Variants in KHDRBS2 observed in about 807,000 individuals in gnomAD.
The protein encoded by KHDRBS2 is KH domain-containing, RNA-binding, signal transduction-associated protein 2.
Under a neutral mutation model 44.3 loss-of-function variants are expected in KHDRBS2, and 26 were observed. The observed-to-expected ratio is 0.59, with a 90% CI of 0.43 to 0.81. The LOEUF (loss-of-function observed/expected upper bound fraction) is 0.81, where lower values mean the gene tolerates loss of function less well. Ranked by LOEUF, KHDRBS2 falls within the 40% of genes least tolerant of loss-of-function variation. The probability of loss-of-function intolerance (pLI) is 0.00; values close to 1 mark genes in which losing one functional copy is unlikely to be tolerated. For missense variants in KHDRBS2, 476 were observed against 433.1 expected (o/e 1.10, Z -0.88); for synonymous variants, 194 against 151.1 (o/e 1.28, Z -2.08).
the KHDRBS2 span, among the ~76,000 whole-genome samples, chr6:61,556,617 A>G: frequency 2.0e-5 from 3 of 152,028 alleles, no homozygotes; most frequent in Non-Finnish European, 4.4e-5. Context: ...AAAGAACCTA[A>G]TTCAGCTTAC....
intron 1 of KHDRBS2, among the ~76,000 whole-genome samples, chr6:62,222,723 C>G (rs1831113789): frequency 1.3e-5 from 2 of 152,090 alleles, no homozygotes; most frequent in African/African-American, 2.4e-5. Context: ...GAGAAATTAG[C>G]CAAAACAAAG....
chr6:61,681,134 G>T, intron 8 of KHDRBS2, 74 bp from the exon 9 acceptor site: 2 of 1,005,376 alleles, frequency 2.0e-6, no homozygotes, highest in South Asian at 2.7e-5. Context: ...AGACACAATA[G>T]TTGACCGAGA....
At chr6:61,573,298 A>C in the KHDRBS2 span, among the ~76,000 whole-genome samples, 1 of 152,206 alleles carries the variant, frequency 6.6e-6, no homozygotes, top group Non-Finnish European at 1.5e-5. Context: ...ACTACAAAAC[A>C]CTGCTGAAAG....
At chr6:62,197,564 TC>T (rs1284947791) in intron 1 of KHDRBS2, among the ~76,000 whole-genome samples, 3 of 152,084 alleles carry the variant, frequency 2.0e-5, no homozygotes, top group African/African-American at 7.2e-5. Flanking sequence ...AAATGAGCTT[TC>T]CTGAACCCAG....
chr6:62,048,662 C>T (rs114821426), intron 2 of KHDRBS2, among the ~76,000 whole-genome samples: 25 of 151,830 alleles, frequency 1.6e-4, no homozygotes, highest in East Asian at 7.8e-4. Context: ...AACACTTTGT[C>T]GAAATAAAAA....
At chr6:61,890,737 A>T (rs1030064580) in intron 6 of KHDRBS2, among the ~76,000 whole-genome samples, 1 of 152,210 alleles carries the variant, frequency 6.6e-6, no homozygotes, top group Non-Finnish European at 1.5e-5. Context: ...TATTTTTCAC[A>T]TACTATGTCT....
intron 1 of KHDRBS2, among the ~76,000 whole-genome samples, chr6:62,190,643 C>G (rs1465109411): frequency 1.3e-5 from 2 of 152,060 alleles, no homozygotes; most frequent in Admixed American, 1.3e-4. Context: ...ATATTTTACT[C>G]TATATTTACA....
intron 1 of KHDRBS2, among the ~76,000 whole-genome samples, chr6:62,278,860 C>T (rs533249459): frequency 4.6e-5 from 7 of 151,936 alleles, no homozygotes; most frequent in African/African-American, 1.7e-4. Context: ...TTTGGGAGGC[C>T]GAGGTGGGCG....
At chr6:61,816,381 G>A (rs771813676) in intron 6 of KHDRBS2, among the ~76,000 whole-genome samples, 46 of 152,106 alleles carry the variant, frequency 3.0e-4, no homozygotes, top group Non-Finnish European at 6.5e-4. Flanking sequence ...GAAGATGCCC[G>A]TGTGAAGACA....
At chr6:61,711,969 T>C (rs1770579629) in intron 7 of KHDRBS2, among the ~76,000 whole-genome samples, 3 of 151,836 alleles carry the variant, frequency 2.0e-5, no homozygotes, top group Admixed American at 6.6e-5. Context: ...TTGGCTGATC[T>C]AGGCTGGGCT....
At chr6:62,130,766 T>C (rs977434498) in intron 2 of KHDRBS2, among the ~76,000 whole-genome samples, 20 of 152,030 alleles carry the variant, frequency 1.3e-4, no homozygotes, top group Non-Finnish European at 1.0e-4. Context: ...AACACTTACA[T>C]TAGACTACAG....
At chr6:61,552,315 G>C in the KHDRBS2 span, among the ~76,000 whole-genome samples, 1 of 151,936 alleles carries the variant, frequency 6.6e-6, no homozygotes, top group Admixed American at 6.6e-5. Flanking sequence ...TGCCAACTTG[G>C]ATGCTGTTGG....
intron 6 of KHDRBS2, among the ~76,000 whole-genome samples, chr6:61,834,551 T>C (rs1792349392): frequency 6.6e-6 from 1 of 152,028 alleles, no homozygotes; most frequent in Non-Finnish European, 1.5e-5. Flanking sequence ...GGGCATCTAT[T>C]GTGTTTGCAT....
At chr6:62,161,242 C>T (rs184133033) in intron 2 of KHDRBS2, among the ~76,000 whole-genome samples, 4 of 151,842 alleles carry the variant, frequency 2.6e-5, no homozygotes, top group East Asian at 1.9e-4. Flanking sequence ...TTCTGTCAAT[C>T]GCTTTTGATT....
chr6:61,983,060 T>A (rs1774196101), intron 3 of KHDRBS2, among the ~76,000 whole-genome samples: 1 of 151,844 alleles, frequency 6.6e-6, no homozygotes, highest in Admixed American at 6.6e-5. Flanking sequence ...ATAAGTCCAA[T>A]AGGAATGGGA....
the KHDRBS2 span, among the ~76,000 whole-genome samples, chr6:61,564,022 CAAG>C: frequency 1.3e-5 from 2 of 152,134 alleles, no homozygotes; most frequent in African/African-American, 2.4e-5. Context: ...ATATTCTGGT[CAAG>C]AAGAAGGATT....
At chr6:62,107,872 G>A (rs1803865017) in intron 2 of KHDRBS2, among the ~76,000 whole-genome samples, 1 of 152,138 alleles carries the variant, frequency 6.6e-6, no homozygotes, top group Admixed American at 6.5e-5. Flanking sequence ...GAATGGTGCT[G>A]GGAAAACTTG....
chr6:61,572,835 A>G, the KHDRBS2 span, among the ~76,000 whole-genome samples: 1 of 152,190 alleles, frequency 6.6e-6, no homozygotes, highest in African/African-American at 2.4e-5. Context: ...AATAAAAGCC[A>G]TCTATGAAAA....
chr6:61,893,589 G>A (rs1479897050), intron 6 of KHDRBS2, among the ~76,000 whole-genome samples: 1 of 152,150 alleles, frequency 6.6e-6, no homozygotes, highest in Admixed American at 6.5e-5. Flanking sequence ...ATGAGTTCAT[G>A]TCCTTTGTAG....
Sources: allele counts gnomAD v4.1 joint callset (sites outside exome capture counted in the v4.1 genomes callset), GRCh38; gene constraint gnomAD v4.1.1; transcripts MANE v1.5; gene names NCBI Gene and HGNC (gene_info 2026-07-23, HGNC 2026-07-21).